The following EPAS1 variants were observed in gnomAD, a reference collection of about 807,000 sequenced individuals.
EPAS1 encodes endothelial PAS domain-containing protein 1.
In EPAS1, 23 loss-of-function variants were observed where a neutral mutation model predicts 87.9. The observed-to-expected ratio is 0.26, with a 90% CI of 0.19 to 0.37. EPAS1 has a LOEUF of 0.37. Among genes scored for constraint, EPAS1 ranks in the 10% least tolerant of loss-of-function variants. The pLI is 1.00. For missense variants in EPAS1, 1,138 were observed against 1,120.7 expected, an observed-to-expected ratio of 1.02 and a Z score of -0.22; for synonymous variants, 508 against 444.3, an observed-to-expected ratio of 1.14 and a Z score of -1.80.
intron 7 of EPAS1, among the ~76,000 whole-genome samples, chr2:46,374,081 C>T (rs1316695114): frequency 6.6e-6 from 1 of 152,212 alleles, no homozygotes; most frequent in African/African-American, 2.4e-5. Flanking sequence ...CACTGCAAAG[C>T]ACTATACAAA....
intron 1 of EPAS1, among the ~76,000 whole-genome samples, chr2:46,299,887 G>A (rs1297967012): frequency 3.9e-5 from 6 of 152,246 alleles, no homozygotes; most frequent in African/African-American, 1.2e-4. Flanking sequence ...CCAATTATTG[G>A]CGAGAGCGGC....
chr2:46,365,750 G>A (rs775031412), intron 6 of EPAS1, among the ~76,000 whole-genome samples: 7 of 152,178 alleles, frequency 4.6e-5, no homozygotes, highest in Admixed American at 2.0e-4. Flanking sequence ...AAAACCAACC[G>A]AAGGCACTGA....
At chr2:46,351,793 A>G (rs1340433231) in intron 2 of EPAS1, among the ~76,000 whole-genome samples, 67 of 152,228 alleles carry the variant, frequency 4.4e-4, no homozygotes, top group Admixed American at 4.4e-3. Context: ...AAGTGCAGCC[A>G]GCATTCTGAC....
chr2:46,371,137 G>C lies in EPAS1; in HGVS notation c.886+1204G>C, dbSNP rs554468016. On this transcript the variant is annotated intron_variant, in intron 7 of 15. Transcript: ENST00000263734. This position sits in a 1 kb window ranked among gnomAD's most constrained non-coding sequence, Gnocchi z 4.3. ...AGACAGTGGTGCTGAGAGGATTATG[G>C]GAGGATTAAAAACGGGTAAAGTAAG... 6.6e-6 allele frequency among the ~76,000 whole-genome samples: 1 copy of C among 152,278 alleles called. No homozygotes were observed. The highest frequency in any genetic ancestry group is 1.9e-4 in the East Asian group (1 of 5,178).
At chr2:46,318,462 C>A (rs1164620228) in intron 1 of EPAS1, among the ~76,000 whole-genome samples, 1 of 152,276 alleles carries the variant, frequency 6.6e-6, no homozygotes, top group African/African-American at 2.4e-5. Flanking sequence ...GCCTGACAAA[C>A]CTTCAATTTG....
intron 6 of EPAS1, among the ~76,000 whole-genome samples, chr2:46,367,151 C>T (rs900834554): frequency 2.0e-5 from 3 of 152,196 alleles, no homozygotes; most frequent in Non-Finnish European, 4.4e-5. Context: ...CCAAAACATG[C>T]CCATTGTATG....
chr2:46,356,133 A>ACCCCCCCCC lies in EPAS1; in HGVS notation c.218-16_218-8dup. The ACCCCCCCCC allele has an allele frequency of 1.6e-6, 2 of 1,218,712 alleles. No homozygotes were observed. The highest frequency in any genetic ancestry group is 1.2e-6 in the Non-Finnish European group (1 of 868,080). 75.5% of individuals were successfully genotyped at this position (1,218,712 alleles called of 1,614,324 possible). On this transcript the variant is annotated splice_polypyrimidine_tract_variant and intron_variant, in intron 2 of 15. Transcript: ENST00000263734. ...ACTCCACATTCATGCAAGCTGTCCC[A>ACCCCCCCCC]CCCCCCCCCCTTTCCAGTTTGCTCT...
rs1351636923 is a variant in EPAS1 at position 46,378,773 on chromosome 2, T to C, written c.1554+6T>C. The C allele has an allele frequency of 1.2e-6, 2 of 1,611,496 alleles. No homozygotes were observed. The highest frequency in any genetic ancestry group is 1.7e-6 in the Non-Finnish European group (2 of 1,177,598). On this transcript the variant is annotated splice_donor_region_variant and intron_variant, in intron 11 of 15. Coordinates refer to ENST00000263734, the MANE Select transcript of EPAS1 (RefSeq NM_001430.5). Reference sequence around the variant, plus strand: ...AGGACCAATGCAGTACCCAGGTAGATGGCTGTGGAGATCAGGCTAGGGTGT... The same window carrying C: ...AGGACCAATGCAGTACCCAGGTAGACGGCTGTGGAGATCAGGCTAGGGTGT...
intron 1 of EPAS1, among the ~76,000 whole-genome samples, chr2:46,345,931 A>G (rs1684015265): frequency 6.6e-6 from 1 of 152,234 alleles, no homozygotes; most frequent in Non-Finnish European, 1.5e-5. Context: ...CCTCACAGTT[A>G]ACTCTGTAGG....
Position 46,360,881 on chromosome 2 carries a change from T to A in EPAS1, c.574-4T>A. Reference sequence around the variant, plus strand: ...CATGTCTGACCCTTCCACGCCTGTCTCAGGTCTTGCACTGCACGGGCCAGG... The same window carrying A: ...CATGTCTGACCCTTCCACGCCTGTCACAGGTCTTGCACTGCACGGGCCAGG... On this transcript the variant is annotated splice_region_variant and splice_polypyrimidine_tract_variant and intron_variant, in intron 5 of 15. Transcript: ENST00000263734. This position sits in a 1 kb window ranked among gnomAD's most constrained non-coding sequence, Gnocchi z 4.5. 6.2e-7 allele frequency: 1 copy of A among 1,614,104 alleles called. No individual in the cohort carries two copies. The highest frequency in any genetic ancestry group is 2.2e-5 in the East Asian group (1 of 44,866).
intron 4 of EPAS1, among the ~76,000 whole-genome samples, chr2:46,359,127 C>T (rs559658706): frequency 2.4e-4 from 37 of 151,720 alleles, no homozygotes; most frequent in Admixed American, 3.9e-4. Context: ...GGCGTGGTGG[C>T]GCGTGCCTGT....
At chr2:46,298,560 G>A (rs1007611875) in intron 1 of EPAS1, among the ~76,000 whole-genome samples, 1 of 152,246 alleles carries the variant, frequency 6.6e-6, no homozygotes, top group African/African-American at 2.4e-5. Context: ...TCTGGGGAGA[G>A]TAGGTAGTGA....
At position 46,375,829 on chromosome 2, in the gene EPAS1, C is replaced by T. The variant is rs779027820; in HGVS notation, c.1026C>T (p.Tyr342=). ...CCCAGTGCATCATGTGTGTCAACTACGTCCTGAGGTAAGCATGTGAGGGCT... is the reference window on the plus strand; with the variant it reads ...CCCAGTGCATCATGTGTGTCAACTATGTCCTGAGGTAAGCATGTGAGGGCT... ...LQPQCIMCVN[Y]VLSEIEKNDV... Residue 342 remains tyrosine, a synonymous_variant, in exon 8 of 16, where the codon TAC becomes TAT. Transcript: ENST00000263734. The surrounding 1 kb of genome is among the most constrained non-coding windows in gnomAD (Gnocchi z 4.1). 1.2e-5 allele frequency: 19 copies of T among 1,614,216 alleles called. No individual in the cohort carries two copies. Among genetic ancestry groups the T allele is most frequent in the East Asian group, 6.7e-5 (3 of 44,876 alleles).
rs765660809 is a variant in EPAS1, at chr2:46,360,603, A to G, written c.455-35A>G. ...TCTCATGAATATCCATATAAAACTG[A>G]CTTCAGCTGGTTCTTCCCATCCTTC... On this transcript the variant is annotated intron_variant, in intron 4 of 15. Transcript: ENST00000263734. This position sits in a 1 kb window ranked among gnomAD's most constrained non-coding sequence, Gnocchi z 4.5. The G allele has an allele frequency of 1.3e-6, 2 of 1,584,446 alleles. No homozygotes were observed. Among genetic ancestry groups the G allele is most frequent in the South Asian group, 1.1e-5 (1 of 90,428 alleles).
chr2:46,346,747 G>A lies in EPAS1; in HGVS notation c.27-126G>A. On this transcript the variant is annotated intron_variant, in intron 1 of 15. Transcript: ENST00000263734. This position sits in a 1 kb window ranked among gnomAD's most constrained non-coding sequence, Gnocchi z 4.0. Reference sequence around the variant, plus strand: ...TGTGTGTGGCTCAGACAACTGGTGTGAGCCCAGATCAGTCTAGTAAGGGAG... The same window carrying A: ...TGTGTGTGGCTCAGACAACTGGTGTAAGCCCAGATCAGTCTAGTAAGGGAG... The A allele has an allele frequency of 1.0e-6, 1 of 961,746 alleles. No individual in the cohort carries two copies. Among genetic ancestry groups the A allele is most frequent in the Non-Finnish European group, 1.6e-6 (1 of 619,614 alleles). The allele number at this position is 961,746 out of a possible 1,614,324, so 59.6% of individuals were successfully genotyped here.
At chr2:46,301,806 T>G in intron 1 of EPAS1, among the ~76,000 whole-genome samples, 1 of 142,170 alleles carries the variant, frequency 7.0e-6, no homozygotes, top group Non-Finnish European at 1.5e-5. Context: ...GTAGAAGTGA[T>G]GATTCTGTTT....
intron 1 of EPAS1, among the ~76,000 whole-genome samples, chr2:46,344,928 C>G (rs935647927): frequency 3.9e-5 from 6 of 152,210 alleles, no homozygotes; most frequent in African/African-American, 1.4e-4. Flanking sequence ...AAAATCAAAA[C>G]AGTGCTTCTG....
At chr2:46,325,131 G>A (rs1266006564) in intron 1 of EPAS1, among the ~76,000 whole-genome samples, 1 of 152,246 alleles carries the variant, frequency 6.6e-6, no homozygotes, top group Non-Finnish European at 1.5e-5. Context: ...TGCTTAAAAA[G>A]CATGGTGAGG....
At chr2:46,348,846 T>C (rs1684087209) in intron 2 of EPAS1, among the ~76,000 whole-genome samples, 1 of 152,186 alleles carries the variant, frequency 6.6e-6, no homozygotes, top group African/African-American at 2.4e-5. Context: ...TTGTGTTGGA[T>C]TTTGGAGCAT....
Sources: allele counts gnomAD v4.1 joint callset (sites outside exome capture counted in the v4.1 genomes callset), GRCh38; gene constraint gnomAD v4.1.1; non-coding constraint Gnocchi (gnomAD v3.1); transcripts MANE v1.5; gene names NCBI Gene and HGNC (gene_info 2026-07-23, HGNC 2026-07-21).